RALGAPA2: variants seen among roughly 807,000 people sequenced by gnomAD.
RALGAPA2 encodes the protein Ral GTPase activating protein catalytic subunit alpha 2.
Under a neutral mutation model 230.4 loss-of-function variants are expected in RALGAPA2, and 139 were observed. That is an observed-to-expected ratio of 0.60 (90% CI 0.53 to 0.69). The LOEUF is 0.69. Ranked by LOEUF, RALGAPA2 falls within the 30% of genes least tolerant of loss-of-function variation. RALGAPA2 has a pLI of 0.00. For synonymous variants in RALGAPA2, 847 were observed against 837.8 expected (o/e 1.01, Z -0.19); for missense variants, 2,163 against 2,276.0 (o/e 0.95, Z 1.01).
intron 1 of RALGAPA2, among the ~76,000 whole-genome samples, chr20:20,697,279 G>C (rs2069152307): frequency 6.6e-6 from 1 of 152,016 alleles, no homozygotes; most frequent in Admixed American, 6.6e-5. Flanking sequence ...GCAGTGAGCT[G>C]TGATCACACC....
chr20:20,395,629 C>T (rs957652883), intron 39 of RALGAPA2, among the ~76,000 whole-genome samples: 3 of 152,092 alleles, frequency 2.0e-5, no homozygotes, highest in African/African-American at 7.2e-5. Flanking sequence ...TTGGGGCTGA[C>T]ACGAGTGAGC....
chr20:20,706,737 T>C (rs1378140454), intron 1 of RALGAPA2, among the ~76,000 whole-genome samples: 1 of 152,206 alleles, frequency 6.6e-6, no homozygotes, highest in Admixed American at 6.6e-5. Flanking sequence ...TTCTACTAGA[T>C]AAATACATTT....
intron 23 of RALGAPA2, among the ~76,000 whole-genome samples, chr20:20,571,075 C>A (rs2064615997): frequency 6.6e-6 from 1 of 152,222 alleles, no homozygotes; most frequent in African/African-American, 2.4e-5. Context: ...ATCCTAACTA[C>A]TAAAACAACA....
intron 15 of RALGAPA2, among the ~76,000 whole-genome samples, chr20:20,603,513 C>T (rs1342606053): frequency 6.6e-6 from 1 of 152,174 alleles, no homozygotes; most frequent in Non-Finnish European, 1.5e-5. Flanking sequence ...CAAGCAGAGA[C>T]TTGAAATGCA....
chr20:20,393,335 C>A, intron 39 of RALGAPA2, 82 bp from the exon 40 acceptor site: 1 of 1,085,694 alleles, frequency 9.2e-7, no homozygotes, highest in Non-Finnish European at 1.2e-6. Context: ...ATCTGTGGCA[C>A]TCAGAAGGGA....
At chr20:20,693,066 ATAT>A (rs968386340) in intron 1 of RALGAPA2, among the ~76,000 whole-genome samples, 2 of 152,224 alleles carry the variant, frequency 1.3e-5, no homozygotes, top group African/African-American at 4.8e-5. Context: ...TTCTGAAAGC[ATAT>A]TGTTTTCATT....
intron 38 of RALGAPA2, among the ~76,000 whole-genome samples, chr20:20,406,262 G>A (rs900177336): frequency 1.3e-5 from 2 of 152,064 alleles, no homozygotes; most frequent in Non-Finnish European, 2.9e-5. Flanking sequence ...TATCTTTACA[G>A]CTTCACAGGG....
At chr20:20,473,482 T>C (rs1280737203) in intron 36 of RALGAPA2, among the ~76,000 whole-genome samples, 7 of 152,140 alleles carry the variant, frequency 4.6e-5, no homozygotes, top group African/African-American at 1.7e-4. Flanking sequence ...ATTACCTTCA[T>C]TTCCTTCTAC....
At chr20:20,624,519 A>G (rs1400887368) in intron 10 of RALGAPA2, among the ~76,000 whole-genome samples, 2 of 152,136 alleles carry the variant, frequency 1.3e-5, no homozygotes, top group Non-Finnish European at 2.9e-5. Flanking sequence ...AATCAAGACT[A>G]AACAACTCTG....
Position 20,535,074 on chromosome 20 carries a change from T to C in RALGAPA2, c.3473+671A>G, listed in dbSNP as rs1341046041. Among the ~76,000 whole-genome samples the C allele has an allele frequency of 2.6e-5, 4 of 152,190 alleles. No individual in the cohort carries two copies. In the East Asian group the frequency reaches 5.8e-4, roughly 22 times the overall value. On this transcript the variant is annotated intron_variant, in intron 26 of 39. Transcript: ENST00000202677. ...TAGCTGGTAAGGCAGTGATGAATGATGGGCTGCTGTCTTGGAATGAGGCTA... is the reference window on the plus strand; with the variant it reads ...TAGCTGGTAAGGCAGTGATGAATGACGGGCTGCTGTCTTGGAATGAGGCTA...
intron 36 of RALGAPA2, among the ~76,000 whole-genome samples, chr20:20,474,912 A>G (rs2061618284): frequency 6.6e-6 from 1 of 152,170 alleles, no homozygotes; most frequent in African/African-American, 2.4e-5. Context: ...TCAACAAAAG[A>G]TCAAGAAAAG....
At chr20:20,577,075 C>A (rs2064842541) in intron 20 of RALGAPA2, among the ~76,000 whole-genome samples, 1 of 152,108 alleles carries the variant, frequency 6.6e-6, no homozygotes, top group South Asian at 2.1e-4. Context: ...TCCCAAAGTT[C>A]TCTTCTTCAC....
chr20:20,448,830 T>C (rs887139864), intron 37 of RALGAPA2, among the ~76,000 whole-genome samples: 1 of 151,962 alleles, frequency 6.6e-6, no homozygotes, highest in African/African-American at 2.4e-5. Context: ...AGTGATTTAC[T>C]TACTCAAAAA....
At chr20:20,668,149 C>T (rs1369452737) in intron 3 of RALGAPA2, among the ~76,000 whole-genome samples, 1 of 152,198 alleles carries the variant, frequency 6.6e-6, no homozygotes, top group East Asian at 1.9e-4. Context: ...TAGAGCCTCC[C>T]TGTCCAATAC....
chr20:20,440,058 T>C (rs1036822147), intron 37 of RALGAPA2, among the ~76,000 whole-genome samples: 1 of 152,224 alleles, frequency 6.6e-6, no homozygotes, highest in Non-Finnish European at 1.5e-5. Flanking sequence ...AGTCAAATAA[T>C]GCTAATTTTC....
At chr20:20,532,566 GA>G (rs2063393906) in intron 26 of RALGAPA2, among the ~76,000 whole-genome samples, 1 of 152,238 alleles carries the variant, frequency 6.6e-6, no homozygotes, top group African/African-American at 2.4e-5. Context: ...CGGGGGGTCA[GA>G]AGGAGACTCA....
Position 20,643,402 on chromosome 20 carries a change from T to C in RALGAPA2, c.372+104A>G, listed in dbSNP as rs376219568. The stretch of plus-strand genomic sequence containing the variant: ...AATTAAAAATTAAAACTAAGTCAAG[T>C]GGTTTCTAAAGATCTTTTTTCCAAA... On this transcript the variant is annotated intron_variant, in intron 5 of 39. Coordinates refer to ENST00000202677, the MANE Select transcript of RALGAPA2 (RefSeq NM_020343.4). The C allele has an allele frequency of 1.3e-5, 14 of 1,061,800 alleles. No individual in the cohort carries two copies. The East Asian group carries it at 3.6e-4, about 27-fold the overall frequency. 65.8% of individuals were successfully genotyped at this position (1,061,800 alleles called of 1,614,324 possible). A position where few individuals can be genotyped will look rare whatever the true frequency, so the allele number is the denominator to read the frequency against.
At chr20:20,675,809 A>C (rs541386975) in intron 3 of RALGAPA2, among the ~76,000 whole-genome samples, 3 of 152,324 alleles carry the variant, frequency 2.0e-5, no homozygotes, top group Admixed American at 6.5e-5. Context: ...TATGAGACGA[A>C]TCATCTCTAA....
intron 16 of RALGAPA2, chr20:20,598,798 C>T: frequency 2.2e-6 from 1 of 456,392 alleles, no homozygotes; most frequent in South Asian, 1.5e-5. Flanking sequence ...GACACAGTTG[C>T]TGATAGACTG....
Sources: gnomAD v4.1 joint callset for allele counts (sites outside exome capture counted in the v4.1 genomes callset) on GRCh38, gnomAD v4.1.1 for gene constraint, MANE v1.5 for transcripts, NCBI Gene and HGNC (gene_info 2026-07-23, HGNC 2026-07-21) for gene names.